The following CCDC186 variants were observed in gnomAD, a reference collection of about 807,000 sequenced individuals.
CCDC186 encodes coiled-coil domain-containing protein 186.
Under a neutral mutation model 113.7 loss-of-function variants are expected in CCDC186, and 49 were observed. The observed-to-expected ratio is 0.43, with a 90% CI of 0.34 to 0.55. The LOEUF (loss-of-function observed/expected upper bound fraction) is 0.55. CCDC186 is among the 20% of genes least tolerant of loss of function. The probability of loss-of-function intolerance (pLI) is 0.02; values close to 1 mark genes in which losing one functional copy is unlikely to be tolerated. For missense variants in CCDC186, 890 were observed against 1,011.1 expected (o/e 0.88, Z 1.62); for synonymous variants, 355 against 345.8 (o/e 1.03, Z -0.30).
chr10:114,136,778 C>T (rs1031861959), intron 7 of CCDC186, among the ~76,000 whole-genome samples: 3 of 152,152 alleles, frequency 2.0e-5, no homozygotes, highest in Non-Finnish European at 1.5e-5. Context: ...CAACAAAGTA[C>T]ATTCCATATG....
At chr10:114,150,005 G>GA (rs2031798577) in intron 4 of CCDC186, among the ~76,000 whole-genome samples, 1 of 152,176 alleles carries the variant, frequency 6.6e-6, no homozygotes, top group African/African-American at 2.4e-5. Context: ...CTGATAGCAG[G>GA]AGAGTTAAAC....
Position 114,164,112 on chromosome 10 carries a change from A to ATTTT in CCDC186, c.-61-784_-61-783insAAAA, listed in dbSNP as rs1383372775. ...TGTGTGTGTGTGTGTGTATATATAT[A>ATTTT]TATTTTTTTTTTTTTTTTTTTTTTT... On this transcript the variant is annotated intron_variant, in intron 1 of 15. Coordinates refer to ENST00000369287, the MANE Select transcript of CCDC186 (RefSeq NM_018017.4). Among the ~76,000 whole-genome samples, 41 of 103,384 alleles carry ATTTT rather than the reference A, an allele frequency of 4.0e-4. 1 individual carries two copies. Among genetic ancestry groups the ATTTT allele is most frequent in the Middle Eastern group, 0.011 (2 of 174 alleles). 67.8% of individuals were successfully genotyped at this position (103,384 alleles called of 152,430 possible).
chr10:114,137,163 T>A, intron 7 of CCDC186, 23 bp downstream of exon 7: 1 of 1,526,008 alleles, frequency 6.6e-7, no homozygotes, highest in Non-Finnish European at 9.1e-7. Context: ...TTGATACTAA[T>A]CTATTTTAAA....
intron 4 of CCDC186, among the ~76,000 whole-genome samples, chr10:114,146,701 C>T (rs540554569): frequency 6.6e-6 from 1 of 152,288 alleles, no homozygotes; most frequent in Non-Finnish European, 1.5e-5. Context: ...TATGGTGAAG[C>T]ACACATTTAA....
intron 4 of CCDC186, among the ~76,000 whole-genome samples, chr10:114,149,403 T>C (rs1195733804): frequency 2.0e-5 from 3 of 152,100 alleles, no homozygotes; most frequent in Admixed American, 6.6e-5. Context: ...CTGGCATCAG[T>C]GGTTACCTTT....
Position 114,171,977 on chromosome 10 carries a change from ATAGAT to A in CCDC186, c.-62+2033_-62+2037del, listed in dbSNP as rs1325980094. On this transcript the variant is annotated intron_variant, in intron 1 of 15. Coordinates refer to ENST00000369287, the MANE Select transcript of CCDC186 (RefSeq NM_018017.4). ...AGAAAGTTCAAAGCAGTTTGAAACA[ATAGAT>A]TAAATTATCTATGATCTCACTGCTG... Among the ~76,000 whole-genome samples, 4 of 152,346 alleles carry A rather than the reference ATAGAT, an allele frequency of 2.6e-5. No individual in the cohort carries two copies. The East Asian group carries it at 7.7e-4, about 29-fold the overall frequency.
rs1253434084 is a variant in CCDC186, at chr10:114,162,862, T to C, written c.407A>G (p.Tyr136Cys). The C allele has an allele frequency of 1.2e-6, 2 of 1,614,038 alleles. No individual in the cohort carries two copies. The highest frequency in any genetic ancestry group is 1.7e-6 in the Non-Finnish European group (2 of 1,179,940). The change falls in exon 2 of 16, where the codon TAT becomes TGT. Residue 136 changes from tyrosine (Y) to cysteine (C), a missense_variant. By Grantham distance (194) the Tyr-to-Cys change is radical (BLOSUM62 -2). Coordinates refer to ENST00000369287, the MANE Select transcript of CCDC186 (RefSeq NM_018017.4). The stretch of plus-strand genomic sequence containing the variant: ...GTCTGTATCATAGGGGCTTTCTGAA[T>C]AAGTCTTTTCATTAGCTGATTCTGG... ...TFPESANEKTYSESPYDTDCT... is the reference protein window; with the variant it reads ...TFPESANEKTCSESPYDTDCT...
At position 114,127,615 on chromosome 10, in the gene CCDC186, A is replaced by G; in HGVS notation, c.2239T>C (p.Ser747Pro). The G allele has an allele frequency of 6.2e-7, 1 of 1,614,060 alleles. No individual in the cohort carries two copies. Among genetic ancestry groups the G allele is most frequent in the Non-Finnish European group, 8.5e-7 (1 of 1,179,988 alleles). The change falls in exon 14 of 16, where the codon TCA becomes CCA. Residue 747 changes from serine (S) to proline (P), a missense_variant. Physicochemically the swap from Ser to Pro is moderately conservative, Grantham distance 74 (BLOSUM62 -1). Coordinates refer to ENST00000369287, the MANE Select transcript of CCDC186 (RefSeq NM_018017.4). ...EDRSPENTGSSVAVDNFPQVD... is the reference protein window; with the variant it reads ...EDRSPENTGSPVAVDNFPQVD... ...TGTGGAAAGTTATCCACAGCTACTG[A>G]GGACCCAGTATTTTCTGGAGATCGA...
In CCDC186 at chr10:114,125,088, C is replaced by T. The variant is rs2030846468; in HGVS notation, c.*55G>A. On this transcript the variant is annotated 3_prime_UTR_variant, in exon 16 of 16. Coordinates refer to ENST00000369287, the MANE Select transcript of CCDC186 (RefSeq NM_018017.4). Reference sequence around the variant, plus strand: ...GAACAAAGTCTCCAACAATAGAGGTCAGTGGCACCTACTCCTGTGTGGCTT... The same window carrying T: ...GAACAAAGTCTCCAACAATAGAGGTTAGTGGCACCTACTCCTGTGTGGCTT... 7.9e-7 allele frequency: 1 copy of T among 1,264,186 alleles called. No individual in the cohort carries two copies. Among genetic ancestry groups the T allele is most frequent in the African/African-American group, 1.5e-5 (1 of 65,714 alleles). The allele number at this position is 1,264,186 out of a possible 1,614,324, so 78.3% of individuals were successfully genotyped here. A position where few individuals can be genotyped will look rare whatever the true frequency, so the allele number is the denominator to read the frequency against.
intron 6 of CCDC186, among the ~76,000 whole-genome samples, chr10:114,141,001 C>T (rs746915896): frequency 4.0e-5 from 6 of 151,820 alleles, no homozygotes; most frequent in Non-Finnish European, 8.8e-5. Flanking sequence ...AGTGATCCTC[C>T]CATCTCAGCC....
chr10:114,127,017 G>A (rs1439591444), intron 14 of CCDC186, among the ~76,000 whole-genome samples: 1 of 152,036 alleles, frequency 6.6e-6, no homozygotes, highest in Non-Finnish European at 1.5e-5. Context: ...CTCACGCACT[G>A]AGTGGTTGTA....
chr10:114,145,457 A>G (rs2031606083), intron 5 of CCDC186, 92 bp downstream of exon 5: 1 of 1,147,156 alleles, frequency 8.7e-7, no homozygotes, highest in Non-Finnish European at 1.2e-6. Flanking sequence ...AGTGTTAACC[A>G]TGTTAAATTA....
intron 4 of CCDC186, 125 bp downstream of exon 4, chr10:114,150,967 T>C: frequency 1.7e-6 from 2 of 1,145,070 alleles, no homozygotes; most frequent in Non-Finnish European, 2.4e-6. Flanking sequence ...CTTACTTTTA[T>C]ATAAAAGAAT....
rs146884751 is a variant in CCDC186, at chr10:114,132,021, T to C, written c.1819A>G (p.Asn607Asp). Residue 607 changes from asparagine to aspartate, a missense_variant, in exon 11 of 16, where the codon AAT becomes GAT. Coordinates refer to ENST00000369287, the MANE Select transcript of CCDC186 (RefSeq NM_018017.4). ...TTATCAAATTGTGACTGCAAAGAAT[T>C]GGATTCAGACTGAAGCTGTGCATTC... is the stretch of plus-strand genomic sequence containing the variant. ...SKNAQLQSES[N>D]SLQSQFDKVS... The C allele has an allele frequency of 4.3e-5, 69 of 1,613,394 alleles. No individual in the cohort carries two copies. The highest frequency in any genetic ancestry group is 5.6e-5 in the Non-Finnish European group (66 of 1,179,686).
intron 12 of CCDC186, 171 bp downstream of exon 12, chr10:114,130,976 T>G (rs2119694044): frequency 2.1e-6 from 1 of 479,208 alleles, no homozygotes. Flanking sequence ...AAGATATCCT[T>G]TAGGATAAAA....
chr10:114,157,650 C>G lies in CCDC186; in HGVS notation c.663G>C (p.Glu221Asp). ...TTTCTGAACAAATGTCTACGAAGAG[C>G]TCCTGATGCTTCTTATTTTCTTTAA... ...KLIKENKKHQ[E>D]LFVDICSEKD... Residue 221 changes from glutamate (E) to aspartate (D), a missense_variant, in exon 3 of 16, where the codon GAG becomes GAC. Physicochemically the swap from Glu to Asp is conservative, Grantham distance 45. Transcript: ENST00000369287. 2.5e-6 allele frequency: 4 copies of G among 1,596,774 alleles called. No homozygotes were observed. The highest frequency in any genetic ancestry group is 3.4e-6 in the Non-Finnish European group (4 of 1,173,662).
In CCDC186 at chr10:114,125,063, G is replaced by T; in HGVS notation, c.*80C>A. 2 of 1,026,096 alleles carry T rather than the reference G, an allele frequency of 1.9e-6. No homozygotes were observed. Among genetic ancestry groups the T allele is most frequent in the Non-Finnish European group, 2.9e-6 (2 of 698,516 alleles). The allele number at this position is 1,026,096 out of a possible 1,614,324, so 63.6% of individuals were successfully genotyped here. On this transcript the variant is annotated 3_prime_UTR_variant, in exon 16 of 16. Coordinates refer to ENST00000369287, the MANE Select transcript of CCDC186 (RefSeq NM_018017.4). Reference sequence around the variant, plus strand: ...TTTTTACTGGCTGAAACAAAAAGTGGAACAAAGTCTCCAACAATAGAGGTC... The same window carrying T: ...TTTTTACTGGCTGAAACAAAAAGTGTAACAAAGTCTCCAACAATAGAGGTC...
intron 3 of CCDC186, among the ~76,000 whole-genome samples, chr10:114,155,331 G>A (rs1328279097): frequency 2.0e-5 from 3 of 152,172 alleles, no homozygotes; most frequent in Non-Finnish European, 1.5e-5. Context: ...CTGAGCAATA[G>A]AAGTACAAGC....
chr10:114,138,775 T>C (rs1206606711), intron 6 of CCDC186, among the ~76,000 whole-genome samples: 4 of 152,208 alleles, frequency 2.6e-5, no homozygotes, highest in Non-Finnish European at 1.5e-5. Flanking sequence ...CTCTTCATTG[T>C]TCCCTGACTG....
Sources: allele counts gnomAD v4.1 joint callset (sites outside exome capture counted in the v4.1 genomes callset), GRCh38; gene constraint gnomAD v4.1.1; transcripts MANE v1.5; gene names NCBI Gene and HGNC (gene_info 2026-07-23, HGNC 2026-07-21).